The following FAT3 variants were observed in gnomAD, a reference collection of about 807,000 sequenced individuals.
FAT3 encodes FAT atypical cadherin 3, also known as protocadherin Fat 3.
In FAT3, 95 loss-of-function variants were observed where a neutral mutation model predicts 310.2. That is an observed-to-expected ratio of 0.31 (90% CI 0.26 to 0.36). FAT3 has a LOEUF of 0.36. Ranked by LOEUF, FAT3 falls within the 10% of genes least tolerant of loss-of-function variation. FAT3 has a pLI of 1.00. For synonymous variants in FAT3, 2,314 were observed against 2,192.9 expected, an observed-to-expected ratio of 1.06 and a Z score of -1.54; for missense variants, 5,408 against 5,715.6, an observed-to-expected ratio of 0.95 and a Z score of 1.74.
intron 3 of FAT3, among the ~76,000 whole-genome samples, chr11:92,633,488 A>G (rs1941637011): frequency 1.3e-5 from 2 of 152,208 alleles, no homozygotes; most frequent in South Asian, 4.1e-4. Flanking sequence ...GGGGGTCAGC[A>G]TAATCTAGTA....
intron 3 of FAT3, among the ~76,000 whole-genome samples, chr11:92,679,795 T>C (rs1415145128): frequency 2.9e-5 from 4 of 135,596 alleles, no homozygotes; most frequent in Non-Finnish European, 6.1e-5. Flanking sequence ...TGAGCCGAGA[T>C]TGTGCCACTA....
intron 3 of FAT3, among the ~76,000 whole-genome samples, chr11:92,567,765 T>C (rs931001314): frequency 7.9e-5 from 12 of 152,066 alleles, no homozygotes; most frequent in Admixed American, 7.2e-4. Context: ...AAATCATCAT[T>C]CTCAGTAAAC....
chr11:92,326,436 A>G (rs1017545598), intron 1 of FAT3, among the ~76,000 whole-genome samples: 6 of 152,214 alleles, frequency 3.9e-5, no homozygotes, highest in African/African-American at 1.4e-4. Flanking sequence ...ACCGCCTTCC[A>G]TGTGAATTGA....
intron 1 of FAT3, among the ~76,000 whole-genome samples, chr11:92,246,172 C>T (rs1864895377): frequency 1.3e-5 from 2 of 151,998 alleles, no homozygotes; most frequent in African/African-American, 4.8e-5. Flanking sequence ...GTACTGAATA[C>T]TCTTTTAAGA....
At chr11:92,595,130 G>C (rs1192576532) in intron 3 of FAT3, among the ~76,000 whole-genome samples, 1 of 152,024 alleles carries the variant, frequency 6.6e-6, no homozygotes, top group African/African-American at 2.4e-5. Flanking sequence ...TTTGTAAGAT[G>C]AAAGCTTCTG....
intron 3 of FAT3, among the ~76,000 whole-genome samples, chr11:92,651,969 A>ATC (rs1942395605): frequency 6.6e-6 from 1 of 152,194 alleles, no homozygotes; most frequent in African/African-American, 2.4e-5. Context: ...TCCATTGTCC[A>ATC]TCTTTTCCTC....
chr11:92,305,574 G>C (rs1376157130), intron 1 of FAT3, among the ~76,000 whole-genome samples: 1 of 152,078 alleles, frequency 6.6e-6, no homozygotes. Context: ...GCTTAAACAA[G>C]TGATCAAAGT....
rs942033035 is a variant in FAT3 at position 92,896,177 on chromosome 11, A to G, written c.*5064A>G. 3 of 152,188 alleles carry G rather than the reference A, an allele frequency of 2.0e-5. No homozygotes were observed. The highest frequency in any genetic ancestry group is 2.4e-5 in the African/African-American group (1 of 41,444). 9.4% of individuals were successfully genotyped at this position (152,188 alleles called of 1,614,324 possible). A position where few individuals can be genotyped will look rare whatever the true frequency, so the allele number is the denominator to read the frequency against. On this transcript the variant is annotated 3_prime_UTR_variant, in exon 28 of 28. Transcript: ENST00000525166. Reference sequence around the variant, plus strand: ...TACATGCACATTCACCTCAACTTGCACACACATCACACACCAAACCTTATG... The same window carrying G: ...TACATGCACATTCACCTCAACTTGCGCACACATCACACACCAAACCTTATG...
Position 92,809,759 on chromosome 11 carries a change from T to G in FAT3, c.9248-84T>G, listed in dbSNP as rs1591764391. 6.0e-6 allele frequency: 6 copies of G among 1,003,408 alleles called. No individual in the cohort carries two copies. The East Asian group carries it at 1.5e-4, about 25-fold the overall frequency. 62.2% of individuals were successfully genotyped at this position (1,003,408 alleles called of 1,614,324 possible). A position where few individuals can be genotyped will look rare whatever the true frequency, so the allele number is the denominator to read the frequency against. On this transcript the variant is annotated intron_variant, in intron 12 of 27. Coordinates refer to ENST00000525166, the MANE Select transcript of FAT3 (RefSeq NM_001367949.2). Reference sequence around the variant, plus strand: ...TGTTAGTCCTTCCTATGTTGAGAATTGTTTGTATAATTGGTCCTCTGCTCT... The same window carrying G: ...TGTTAGTCCTTCCTATGTTGAGAATGGTTTGTATAATTGGTCCTCTGCTCT...
intron 1 of FAT3, among the ~76,000 whole-genome samples, chr11:92,234,329 T>C (rs1038653727): frequency 6.6e-6 from 1 of 152,144 alleles, no homozygotes; most frequent in African/African-American, 2.4e-5. Context: ...TATAATAAAA[T>C]GAAAGAGTTT....
chr11:92,701,314 C>T (rs1291257166), intron 4 of FAT3, among the ~76,000 whole-genome samples: 1 of 152,202 alleles, frequency 6.6e-6, no homozygotes. Context: ...ATACTGCTGA[C>T]ACTCCATCTA....
intron 3 of FAT3, among the ~76,000 whole-genome samples, chr11:92,558,548 G>T (rs532873234): frequency 6.6e-6 from 1 of 152,230 alleles, no homozygotes; most frequent in South Asian, 2.1e-4. Flanking sequence ...TTTGTCTCTG[G>T]CATGAAGCAG....
chr11:92,239,856 A>G (rs1200133797), intron 1 of FAT3, among the ~76,000 whole-genome samples: 1 of 152,132 alleles, frequency 6.6e-6, no homozygotes, highest in Non-Finnish European at 1.5e-5. Context: ...CTTTGGACCC[A>G]GCTTTTCTTG....
chr11:92,227,190 G>A (rs1422834897), intron 1 of FAT3, among the ~76,000 whole-genome samples: 1 of 152,162 alleles, frequency 6.6e-6, no homozygotes, highest in Admixed American at 6.5e-5. Flanking sequence ...GTGGCCACTT[G>A]TTTTCTGCCG....
In FAT3 at chr11:92,802,047, G is replaced by C. The variant is rs2136191424; in HGVS notation, c.8896+138G>C. On this transcript the variant is annotated intron_variant, in intron 10 of 27. Transcript: ENST00000525166. Reference sequence around the variant, plus strand: ...GAAGCCTCTCTGGAGCTGAGTAAAGGATCTCTGAGCAGACTGCGTTTTTTG... The same window carrying C: ...GAAGCCTCTCTGGAGCTGAGTAAAGCATCTCTGAGCAGACTGCGTTTTTTG... 3.5e-6 allele frequency: 3 copies of C among 868,230 alleles called. No homozygotes were observed. In the Middle Eastern group the frequency reaches 6.9e-4, roughly 199 times the overall value. 53.8% of individuals were successfully genotyped at this position (868,230 alleles called of 1,614,324 possible).
intron 2 of FAT3, among the ~76,000 whole-genome samples, chr11:92,514,091 C>T (rs1953396608): frequency 6.6e-6 from 1 of 152,136 alleles, no homozygotes. Context: ...GCACAATGTA[C>T]ACATTTTTTT....
At chr11:92,263,409 T>C (rs1865637196) in intron 1 of FAT3, among the ~76,000 whole-genome samples, 1 of 152,074 alleles carries the variant, frequency 6.6e-6, no homozygotes, top group Non-Finnish European at 1.5e-5. Context: ...AAAATTGATT[T>C]CTTGAAAAAG....
chr11:92,401,107 T>G (rs1475183227), intron 2 of FAT3, among the ~76,000 whole-genome samples: 1 of 152,166 alleles, frequency 6.6e-6, no homozygotes, highest in Non-Finnish European at 1.5e-5. Flanking sequence ...TTTACTTTTC[T>G]TGAGATTTGG....
chr11:92,814,369 G>A (rs542687840), intron 13 of FAT3, among the ~76,000 whole-genome samples: 1 of 147,214 alleles, frequency 6.8e-6, no homozygotes, highest in South Asian at 2.3e-4. Context: ...CTTTTTCTAT[G>A]AATCACTTAT....
Sources: allele counts gnomAD v4.1 joint callset (sites outside exome capture counted in the v4.1 genomes callset), GRCh38; gene constraint gnomAD v4.1.1; transcripts MANE v1.5; gene names NCBI Gene and HGNC (gene_info 2026-07-23, HGNC 2026-07-21).